Variants in CAST observed in about 807,000 individuals in gnomAD.
The protein encoded by CAST is calpastatin.
Under a neutral mutation model 119.6 loss-of-function variants are expected in CAST, and 76 were observed. The ratio of observed to expected loss-of-function variants is 0.64; its 90% confidence interval spans 0.53 to 0.77. The LOEUF (loss-of-function observed/expected upper bound fraction) is 0.77. Ranked by LOEUF, CAST falls within the 30% of genes least tolerant of loss-of-function variation. CAST has a pLI of 0.00. For missense variants in CAST, 953 were observed against 946.5 expected (o/e 1.01, Z -0.09); for synonymous variants, 319 against 331.6 (o/e 0.96, Z 0.41).
chr5:96,506,478 CT>C, the CAST span, among the ~76,000 whole-genome samples: 34 of 152,274 alleles, frequency 2.2e-4, no homozygotes, highest in Non-Finnish European at 4.7e-4. Context: ...TCATTTTTCT[CT>C]GTGGAATGAC....
chr5:96,652,859 A>G (rs1580859068), intron 1 of CAST, among the ~76,000 whole-genome samples: 2 of 152,254 alleles, frequency 1.3e-5, no homozygotes, highest in Non-Finnish European at 2.9e-5. Flanking sequence ...GAAGGGGCAC[A>G]GACTGCACGG....
At chr5:96,524,864 T>C (rs1561406242), upstream of CAST, among the ~76,000 whole-genome samples, 3 of 152,206 alleles carry the variant, frequency 2.0e-5, no homozygotes, top group Non-Finnish European at 4.4e-5. Flanking sequence ...ATTCTTGCTA[T>C]AAAGGGTAGA....
At chr5:96,461,073 A>G in the CAST span, among the ~76,000 whole-genome samples, 1 of 152,144 alleles carries the variant, frequency 6.6e-6, no homozygotes, top group Non-Finnish European at 1.5e-5. Context: ...CTTTCTGTCT[A>G]GAGACACTGG....
At chr5:95,983,635 T>G in the CAST span, among the ~76,000 whole-genome samples, 1 of 152,210 alleles carries the variant, frequency 6.6e-6, no homozygotes, top group Non-Finnish European at 1.5e-5. Context: ...TTATTTGAAT[T>G]TTCTTCATAA....
the CAST span, among the ~76,000 whole-genome samples, chr5:96,231,069 T>G: frequency 1.3e-5 from 2 of 152,096 alleles, no homozygotes; most frequent in Non-Finnish European, 2.9e-5. Context: ...GAAAACAGTT[T>G]GGCAGTTTCT....
At chr5:96,231,772 A>G in the CAST span, among the ~76,000 whole-genome samples, 1 of 151,804 alleles carries the variant, frequency 6.6e-6, no homozygotes, top group Admixed American at 6.6e-5. Flanking sequence ...AAATAAAAAC[A>G]TAAAAAGGCA....
the CAST span, among the ~76,000 whole-genome samples, chr5:96,038,076 C>CT: frequency 2.0e-4 from 31 of 152,212 alleles, 1 homozygote; most frequent in Admixed American, 1.9e-3. Flanking sequence ...TTTCTATGAC[C>CT]TAGCTTTGAA....
At chr5:96,431,145 A>G in the CAST span, among the ~76,000 whole-genome samples, 4 of 152,198 alleles carry the variant, frequency 2.6e-5, no homozygotes, top group African/African-American at 4.8e-5. Context: ...TGATGTCCAC[A>G]GTACCCACCA....
At chr5:96,326,695 A>ATTTTTTTTTTTTTTTTTTTTTTTTTT in the CAST span, among the ~76,000 whole-genome samples, 5 of 95,736 alleles carry the variant, frequency 5.2e-5, no homozygotes, top group South Asian at 3.6e-4. Context: ...ATGGCTTTTC[A>ATTTTTTTTTTTTTTTTTTTTTTTTTT]TTTTTTTTTT....
the CAST span, among the ~76,000 whole-genome samples, chr5:96,334,947 G>A: frequency 6.6e-6 from 1 of 152,110 alleles, no homozygotes; most frequent in Non-Finnish European, 1.5e-5. Flanking sequence ...CCATGCCTAG[G>A]AACAGAGCTC....
At chr5:96,068,591 T>TTGTGTG in the CAST span, among the ~76,000 whole-genome samples, 1 of 120,284 alleles carries the variant, frequency 8.3e-6, no homozygotes, top group African/African-American at 3.4e-5. Context: ...ACCAATAGGA[T>TTGTGTG]TATGTGTGTG....
At chr5:95,963,033 T>G in the CAST span, among the ~76,000 whole-genome samples, 1 of 152,128 alleles carries the variant, frequency 6.6e-6, no homozygotes, top group Non-Finnish European at 1.5e-5. Flanking sequence ...GACTGACAGA[T>G]GGGTTCCTGT....
At chr5:96,518,828 G>T in the CAST span, among the ~76,000 whole-genome samples, 1 of 152,264 alleles carries the variant, frequency 6.6e-6, no homozygotes, top group Admixed American at 6.5e-5. Context: ...GCCTGGCCAA[G>T]ATGGTGAAAC....
At chr5:96,330,588 G>A in the CAST span, among the ~76,000 whole-genome samples, 20 of 152,206 alleles carry the variant, frequency 1.3e-4, no homozygotes, top group East Asian at 2.5e-3. Context: ...AGATGGCAAC[G>A]AAAATCATGC....
At chr5:96,238,357 T>TCTTCTCCTC in the CAST span, among the ~76,000 whole-genome samples, 1 of 79,598 alleles carries the variant, frequency 1.3e-5, no homozygotes, top group Non-Finnish European at 2.8e-5. Flanking sequence ...ATCTTCATCT[T>TCTTCTCCTC]CTTCTTCTCC....
the CAST span, among the ~76,000 whole-genome samples, chr5:96,004,086 G>A: frequency 7.9e-5 from 12 of 152,206 alleles, no homozygotes; most frequent in African/African-American, 2.4e-5. Context: ...GTAATAAGAT[G>A]TAAGTTGATT....
chr5:96,637,125 A>G (rs1411984276), intron 1 of CAST, among the ~76,000 whole-genome samples: 3 of 152,214 alleles, frequency 2.0e-5, no homozygotes, highest in Admixed American at 6.5e-5. Context: ...GGCTTGGCCA[A>G]TTACGTCTTA....
chr5:96,702,163 T>G (rs78990795), intron 3 of CAST, among the ~76,000 whole-genome samples: 1 of 152,322 alleles, frequency 6.6e-6, no homozygotes, highest in East Asian at 1.9e-4. Flanking sequence ...ATGTGGTTGG[T>G]GTACGGCTTT....
the CAST span, among the ~76,000 whole-genome samples, chr5:96,209,366 T>C: frequency 6.6e-6 from 1 of 152,088 alleles, no homozygotes; most frequent in African/African-American, 2.4e-5. Context: ...ATCATGTTGT[T>C]AGCTGGTTAT....
Sources: gnomAD v4.1 joint callset for allele counts (sites outside exome capture counted in the v4.1 genomes callset) on GRCh38, gnomAD v4.1.1 for gene constraint, MANE v1.5 for transcripts, NCBI Gene and HGNC (gene_info 2026-07-23, HGNC 2026-07-21) for gene names.